Variants in ZNF621 observed in about 807,000 individuals in gnomAD.
The protein encoded by ZNF621 is zinc finger protein 621.
Under a neutral mutation model 12.7 loss-of-function variants are expected in ZNF621, and 6 were observed. The observed-to-expected ratio is 0.47, with a 90% CI of 0.26 to 0.93. The LOEUF is 0.93. ZNF621 is among the 40% of genes least tolerant of loss of function. The pLI is 0.15. For missense variants in ZNF621, 474 were observed against 524.0 expected (o/e 0.90, Z 0.93); for synonymous variants, 156 against 190.3 (o/e 0.82, Z 1.48).
At chr3:40,523,722 C>T (rs7629576), upstream of ZNF621, among the ~76,000 whole-genome samples, 10,185 of 151,640 alleles carry the variant, frequency 0.067, 1,004 homozygotes, top group African/African-American at 0.22. Context: ...GCCGAGATTG[C>T]GCCATTGCAC....
chr3:40,527,863 A>G (rs1698623252), intron 2 of ZNF621, among the ~76,000 whole-genome samples: 1 of 152,336 alleles, frequency 6.6e-6, no homozygotes, highest in East Asian at 1.9e-4. Flanking sequence ...AGTTTTTTAG[A>G]GCAGTTTTAG....
chr3:40,529,649 G>A (rs146169699), intron 3 of ZNF621: 1 of 1,364,832 alleles, frequency 7.3e-7, no homozygotes, highest in Non-Finnish European at 9.7e-7. Flanking sequence ...TTGAGACAGA[G>A]TCTCGCTCTG....
chr3:40,525,368 G>A (rs902648119), intron 1 of ZNF621, 94 bp downstream of exon 1: 4 of 192,124 alleles, frequency 2.1e-5, no homozygotes, highest in Admixed American at 1.6e-4. Flanking sequence ...ATCACCCACT[G>A]GGACGCTGAG....
rs907804562 is a variant in ZNF621, at chr3:40,533,072, T to C, written c.1302T>C (p.Pro434=). The change falls in exon 5 of 5, where the codon CCT becomes CCC. Residue 434 remains proline, a synonymous_variant. Coordinates refer to ENST00000339296, the MANE Select transcript of ZNF621 (RefSeq NM_198484.5). ...AACCTTCCCCAGTTATTCTCACCCC[T>C]TCTTCTCACTCCTCATGAGCTTTAT... ...TVKPSPVILT[P]SSHSS is the part of the protein sequence containing the mutation. 3.4e-5 allele frequency: 53 copies of C among 1,551,550 alleles called. No individual in the cohort carries two copies. The highest frequency in any genetic ancestry group is 4.0e-5 in the Non-Finnish European group (46 of 1,146,930).
At chr3:40,526,695 A>G (rs1698590420) in intron 2 of ZNF621, among the ~76,000 whole-genome samples, 1 of 152,202 alleles carries the variant, frequency 6.6e-6, no homozygotes, top group African/African-American at 2.4e-5. Context: ...CATGGTGAGG[A>G]CAGTGGTTTC....
In ZNF621 at chr3:40,539,304, C is replaced by T. The variant is rs1204164204; in HGVS notation, c.*6214C>T. The T allele has an allele frequency of 6.6e-6, 1 of 152,256 alleles. No individual in the cohort carries two copies. Among genetic ancestry groups the T allele is most frequent in the Non-Finnish European group, 1.5e-5 (1 of 68,078 alleles). The allele number at this position is 152,256 out of a possible 1,614,324, so 9.4% of individuals were successfully genotyped here. The stretch of plus-strand genomic sequence containing the variant: ...GTCTCATTTAAAGAAATCTCTAGAG[C>T]CACACTAACCTTCAGCAACCACCAC... On this transcript the variant is annotated 3_prime_UTR_variant, in exon 5 of 5. Coordinates refer to ENST00000339296, the MANE Select transcript of ZNF621 (RefSeq NM_198484.5).
intron 3 of ZNF621, chr3:40,529,702 A>G (rs1698676960): frequency 2.3e-6 from 2 of 871,646 alleles, no homozygotes; most frequent in South Asian, 2.9e-5. Flanking sequence ...GGCTCACTGC[A>G]GCCTCCAACT....
intron 2 of ZNF621, 51 bp from the exon 3 acceptor site, chr3:40,529,268 T>C (rs1575305422): frequency 1.3e-6 from 2 of 1,597,626 alleles, no homozygotes; most frequent in Non-Finnish European, 1.7e-6. Context: ...AGCTGCTCCC[T>C]TCTTCCTTCT....
rs940808149 is a variant in ZNF621 at position 40,539,764 on chromosome 3, TAAAGA to T, written c.*6678_*6682del. 2.6e-5 allele frequency: 4 copies of T among 152,244 alleles called. No homozygotes were observed. The highest frequency in any genetic ancestry group is 5.9e-5 in the Non-Finnish European group (4 of 68,038). 9.4% of individuals were successfully genotyped at this position (152,244 alleles called of 1,614,324 possible). A position where few individuals can be genotyped will look rare whatever the true frequency, so the allele number is the denominator to read the frequency against. On this transcript the variant is annotated 3_prime_UTR_variant, in exon 5 of 5. Coordinates refer to ENST00000339296, the MANE Select transcript of ZNF621 (RefSeq NM_198484.5). The stretch of plus-strand genomic sequence containing the variant: ...AAGCCTGATGATTTAATATTTTTCA[TAAAGA>T]AAACTTTTGACAATTTGTTTTTAAG...
At position 40,538,355 on chromosome 3, in the gene ZNF621, A is replaced by G. The variant is rs1255876672; in HGVS notation, c.*5265A>G. ...TGGAGAAACCCTATCTCTACTAAAA[A>G]TACAAAAATTAGCTGGATGTGGTGG... is the stretch of plus-strand genomic sequence containing the variant. On this transcript the variant is annotated 3_prime_UTR_variant, in exon 5 of 5. Transcript: ENST00000339296. 4.1e-6 allele frequency: 1 copy of G among 243,210 alleles called. No individual in the cohort carries two copies. The highest frequency in any genetic ancestry group is 5.6e-5 in the Admixed American group (1 of 17,746). The allele number at this position is 243,210 out of a possible 1,614,324, so 15.1% of individuals were successfully genotyped here. A position where few individuals can be genotyped will look rare whatever the true frequency, so the allele number is the denominator to read the frequency against.
intron 4 of ZNF621, among the ~76,000 whole-genome samples, chr3:40,531,792 G>C (rs974099675): frequency 6.6e-6 from 1 of 152,088 alleles, no homozygotes; most frequent in Non-Finnish European, 1.5e-5. Flanking sequence ...TCGAACTCCT[G>C]AGCTCAAGCC....
rs1264820749 is a variant in ZNF621 at position 40,538,276 on chromosome 3, G to T, written c.*5186G>T. On this transcript the variant is annotated 3_prime_UTR_variant, in exon 5 of 5. Transcript: ENST00000339296. ...ACTTGTAATCCCAACACTTTGGGAG[G>T]CCAAGGCAGGTGGATCAGTTGAGGT... The T allele has an allele frequency of 2.5e-6, 1 of 399,018 alleles. No homozygotes were observed. Among genetic ancestry groups the T allele is most frequent in the South Asian group, 1.8e-5 (1 of 56,114 alleles). 24.7% of individuals were successfully genotyped at this position (399,018 alleles called of 1,614,324 possible). A position where few individuals can be genotyped will look rare whatever the true frequency, so the allele number is the denominator to read the frequency against.
In ZNF621 at chr3:40,539,136, TAAAAC is replaced by T. The variant is rs1027727474; in HGVS notation, c.*6048_*6052del. The T allele has an allele frequency of 6.2e-6, 1 of 160,766 alleles. No individual in the cohort carries two copies. Among genetic ancestry groups the T allele is most frequent in the Non-Finnish European group, 1.3e-5 (1 of 74,710 alleles). 10.0% of individuals were successfully genotyped at this position (160,766 alleles called of 1,614,324 possible). Reference sequence around the variant, plus strand: ...TAGAATATTACATAAACTTAGTTGATAAAACAGCAGCAGAGTTTGAGAGGATTGAC... The same window carrying T: ...TAGAATATTACATAAACTTAGTTGATAGCAGCAGAGTTTGAGAGGATTGAC... On this transcript the variant is annotated 3_prime_UTR_variant, in exon 5 of 5. Transcript: ENST00000339296.
chr3:40,525,946 A>T lies in ZNF621; in HGVS notation c.24+82A>T, dbSNP rs372231101. ...TTAGCTATCAGATAATCAGGAAAGG[A>T]TGAGGAAGGCCTAACTTGGCCAAGC... On this transcript the variant is annotated intron_variant, in intron 2 of 4. Transcript: ENST00000339296. The T allele has an allele frequency of 1.2e-4, 180 of 1,550,814 alleles. No individual in the cohort carries two copies. The African/African-American group carries it at 2.0e-3, about 17-fold the overall frequency.
Position 40,534,913 on chromosome 3 carries a change from A to G in ZNF621, c.*1823A>G, listed in dbSNP as rs563389717. On this transcript the variant is annotated 3_prime_UTR_variant, in exon 5 of 5. Transcript: ENST00000339296. The stretch of plus-strand genomic sequence containing the variant: ...TATTACCAGGCTGAACTGTCACTTT[A>G]AATTCATGACCAGTAACTTCATGGA... The G allele has an allele frequency of 6.6e-6, 1 of 152,352 alleles. No individual in the cohort carries two copies. Among genetic ancestry groups the G allele is most frequent in the South Asian group, 2.1e-4 (1 of 4,826 alleles). 9.4% of individuals were successfully genotyped at this position (152,352 alleles called of 1,614,324 possible).
chr3:40,528,458 A>G (rs972607156), intron 2 of ZNF621, among the ~76,000 whole-genome samples: 8 of 152,184 alleles, frequency 5.3e-5, no homozygotes, highest in Admixed American at 5.2e-4. Context: ...GTAAATGTCC[A>G]TGTACAGGTT....
At chr3:40,530,388 A>G (rs1698696594) in intron 4 of ZNF621, 72 bp downstream of exon 4, 1 of 1,223,500 alleles carries the variant, frequency 8.2e-7, no homozygotes, top group Admixed American at 1.8e-5. Context: ...AGTGTTTCTT[A>G]TGCTGCAGGG....
At position 40,535,778 on chromosome 3, in the gene ZNF621, A is replaced by T. The variant is rs1157571097; in HGVS notation, c.*2688A>T. 3 of 152,184 alleles carry T rather than the reference A, an allele frequency of 2.0e-5. No individual in the cohort carries two copies. The highest frequency in any genetic ancestry group is 7.2e-5 in the African/African-American group (3 of 41,432). The allele number at this position is 152,184 out of a possible 1,614,324, so 9.4% of individuals were successfully genotyped here. On this transcript the variant is annotated 3_prime_UTR_variant, in exon 5 of 5. Coordinates refer to ENST00000339296, the MANE Select transcript of ZNF621 (RefSeq NM_198484.5). ...TTCAGAATATGTTGAGCAGCTGTAA[A>T]ATATCAGATACCCATTATAGGCATT...
chr3:40,529,578 A>G, intron 3 of ZNF621, 133 bp downstream of exon 3: 1 of 1,574,520 alleles, frequency 6.4e-7, no homozygotes, highest in Non-Finnish European at 8.7e-7. Flanking sequence ...AATACTGGGT[A>G]GGGAAATCCT....
Sources: gnomAD v4.1 joint callset for allele counts (sites outside exome capture counted in the v4.1 genomes callset) on GRCh38, gnomAD v4.1.1 for gene constraint, MANE v1.5 for transcripts, NCBI Gene and HGNC (gene_info 2026-07-23, HGNC 2026-07-21) for gene names.